Variants in CWF19L2 observed in about 807,000 individuals in gnomAD.
The protein encoded by CWF19L2 is CWF19-like protein 2.
In CWF19L2, 98 loss-of-function variants were observed where a neutral mutation model predicts 111.7. The ratio of observed to expected loss-of-function variants is 0.88; its 90% confidence interval spans 0.75 to 1.04. CWF19L2 has a LOEUF of 1.04. Among genes scored for constraint, CWF19L2 ranks in the 50% least tolerant of loss-of-function variants. The probability of loss-of-function intolerance (pLI) is 0.00; values close to 1 mark genes in which losing one functional copy is unlikely to be tolerated. For missense variants in CWF19L2, 1,101 were observed against 1,051.4 expected (o/e 1.05, Z -0.65); for synonymous variants, 351 against 342.9 (o/e 1.02, Z -0.26).
intron 12 of CWF19L2, among the ~76,000 whole-genome samples, chr11:107,379,293 G>A (rs1420636286): frequency 6.6e-6 from 1 of 152,174 alleles, no homozygotes; most frequent in Non-Finnish European, 1.5e-5. Flanking sequence ...GGGACATCTG[G>A]CAATATCTGG....
chr11:107,336,241 G>T (rs182906503), intron 15 of CWF19L2, among the ~76,000 whole-genome samples: 1,894 of 151,994 alleles, frequency 0.012, 23 homozygotes, highest in South Asian at 0.039. Flanking sequence ...CCGCCTCCTG[G>T]GTTGAAGTGA....
chr11:107,392,843 AC>A lies in CWF19L2; in HGVS notation c.1669del (p.Val557TyrfsTer4). On this transcript the variant is annotated frameshift_variant, in exon 11 of 18. Coordinates refer to ENST00000282251, the MANE Select transcript of CWF19L2 (RefSeq NM_152434.3). LOFTEE classifies it high-confidence loss of function. The part of the protein sequence containing the change: ...ILVRTDQSGR[V>X]WPVNTPGKSL... ...TTTTCCGGGTGTGTTCACAGGCCATACTCTTCCAGACTGATCTGTTCTGACA... is the reference window on the plus strand; with the variant it reads ...TTTTCCGGGTGTGTTCACAGGCCATATCTTCCAGACTGATCTGTTCTGACA... The A allele has an allele frequency of 6.3e-7, 1 of 1,587,358 alleles. No individual in the cohort carries two copies. The highest frequency in any genetic ancestry group is 8.5e-7 in the Non-Finnish European group (1 of 1,171,896).
intron 14 of CWF19L2, among the ~76,000 whole-genome samples, chr11:107,342,598 A>T (rs539049373): frequency 6.6e-6 from 1 of 152,244 alleles, no homozygotes; most frequent in African/African-American, 2.4e-5. Context: ...TCTGAAAAAA[A>T]TGTTTTCTAA....
At chr11:107,401,431 G>C (rs1200798439) in intron 10 of CWF19L2, among the ~76,000 whole-genome samples, 1 of 151,974 alleles carries the variant, frequency 6.6e-6, no homozygotes, top group Admixed American at 6.6e-5. Context: ...CAGCGAACAA[G>C]CAGAGAATCA....
intron 5 of CWF19L2, among the ~76,000 whole-genome samples, chr11:107,440,481 T>G (rs2135419841): frequency 6.6e-6 from 1 of 152,240 alleles, no homozygotes; most frequent in African/African-American, 2.4e-5. Context: ...TCAAAAAAGG[T>G]TCTGTCACCT....
chr11:107,374,083 A>G (rs1411776473), intron 12 of CWF19L2, among the ~76,000 whole-genome samples: 3 of 136,898 alleles, frequency 2.2e-5, no homozygotes, highest in Non-Finnish European at 4.7e-5. Context: ...AAGAATAAAA[A>G]GAAATGAGCA....
chr11:107,450,615 A>G (rs1330458904), intron 3 of CWF19L2, among the ~76,000 whole-genome samples: 1 of 152,088 alleles, frequency 6.6e-6, no homozygotes, highest in Non-Finnish European at 1.5e-5. Context: ...GCAAGACCCA[A>G]TTATACACTG....
At chr11:107,333,371 A>G (rs1236692509) in intron 16 of CWF19L2, among the ~76,000 whole-genome samples, 1 of 152,198 alleles carries the variant, frequency 6.6e-6, no homozygotes, top group Non-Finnish European at 1.5e-5. Context: ...GATACTAGAC[A>G]TTTCACCAGT....
chr11:107,352,812 CAT>C (rs1860175728), intron 13 of CWF19L2, among the ~76,000 whole-genome samples: 1 of 152,120 alleles, frequency 6.6e-6, no homozygotes, highest in African/African-American at 2.4e-5. Context: ...CAATAAACAA[CAT>C]AAATATGTAC....
chr11:107,403,465 C>T, intron 10 of CWF19L2: 1 of 805,206 alleles, frequency 1.2e-6, no homozygotes, highest in Middle Eastern at 2.3e-4. Context: ...TGCTGTTGCT[C>T]TCTGAGCCAG....
At chr11:107,396,901 G>A (rs1307769022) in intron 10 of CWF19L2, among the ~76,000 whole-genome samples, 1 of 152,092 alleles carries the variant, frequency 6.6e-6, no homozygotes, top group Non-Finnish European at 1.5e-5. Flanking sequence ...CCCCCCAACT[G>A]GAGAAGTTGA....
intron 16 of CWF19L2, among the ~76,000 whole-genome samples, chr11:107,333,110 G>A (rs1310098827): frequency 6.6e-6 from 1 of 151,812 alleles, no homozygotes; most frequent in Non-Finnish European, 1.5e-5. Context: ...AAGGTAAAAG[G>A]GATCTCAAGA....
intron 12 of CWF19L2, among the ~76,000 whole-genome samples, chr11:107,354,135 T>TTC (rs779276376): frequency 1.9e-4 from 29 of 151,988 alleles, no homozygotes; most frequent in Non-Finnish European, 2.9e-5. Flanking sequence ...TCCAGGTACC[T>TTC]TCTCCATATC....
chr11:107,373,161 G>A lies in CWF19L2; in HGVS notation c.1872+16913C>T, dbSNP rs950713808. Among the ~76,000 whole-genome samples, 33 of 125,900 alleles carry A rather than the reference G, an allele frequency of 2.6e-4. 8 individuals are homozygous for A. Among genetic ancestry groups the A allele is most frequent in the African/African-American group, 1.1e-3 (32 of 29,340 alleles). 82.6% of individuals were successfully genotyped at this position (125,900 alleles called of 152,430 possible). Reference sequence around the variant, plus strand: ...CGCTGATTGCTACCACAGCAGCTGAGATCAAACTGCAAGGCGGCAGCGAGG... The same window carrying A: ...CGCTGATTGCTACCACAGCAGCTGAAATCAAACTGCAAGGCGGCAGCGAGG... On this transcript the variant is annotated intron_variant, in intron 12 of 17. Transcript: ENST00000282251.
intron 10 of CWF19L2, among the ~76,000 whole-genome samples, chr11:107,410,821 C>T (rs566622308): frequency 6.6e-6 from 1 of 152,242 alleles, no homozygotes; most frequent in South Asian, 2.1e-4. Flanking sequence ...CAAGGTTTCT[C>T]TATGTGGCTC....
chr11:107,353,250 T>A (rs1310464792), intron 13 of CWF19L2, among the ~76,000 whole-genome samples: 6 of 152,192 alleles, frequency 3.9e-5, no homozygotes, highest in Non-Finnish European at 8.8e-5. Context: ...ATGGCAGATA[T>A]TAGGTATACA....
chr11:107,357,126 A>AATAGC (rs1860249679), intron 12 of CWF19L2, among the ~76,000 whole-genome samples: 1 of 152,218 alleles, frequency 6.6e-6, no homozygotes, highest in Admixed American at 6.5e-5. Flanking sequence ...TCACACAGCT[A>AATAGC]TTAAAGGACA....
At chr11:107,451,352 G>A (rs978735637) in intron 3 of CWF19L2, among the ~76,000 whole-genome samples, 1 of 152,028 alleles carries the variant, frequency 6.6e-6, no homozygotes, top group African/African-American at 2.4e-5. Flanking sequence ...ATAAATACAC[G>A]TTAGAAAAGA....
intron 8 of CWF19L2, 78 bp downstream of exon 8, chr11:107,428,721 A>G: frequency 9.0e-7 from 1 of 1,114,684 alleles, no homozygotes; most frequent in South Asian, 1.5e-5. Flanking sequence ...ACAGCTAATA[A>G]CTGATGTTCT....
Sources: allele counts gnomAD v4.1 joint callset (sites outside exome capture counted in the v4.1 genomes callset), GRCh38; gene constraint gnomAD v4.1.1; transcripts MANE v1.5; gene names NCBI Gene and HGNC (gene_info 2026-07-23, HGNC 2026-07-21).